The following SYCP2L variants were observed in gnomAD, a reference collection of about 807,000 sequenced individuals.
The protein encoded by SYCP2L is synaptonemal complex protein 2 like, also known as synaptonemal complex protein 2-like.
In SYCP2L, 98 loss-of-function variants were observed where a neutral mutation model predicts 125.8. The ratio of observed to expected loss-of-function variants is 0.78; its 90% CI spans 0.66 to 0.92. SYCP2L has a LOEUF of 0.92. SYCP2L is among the 40% of genes least tolerant of loss of function. The probability of loss-of-function intolerance (pLI) is 0.00; values close to 1 mark genes in which losing one functional copy is unlikely to be tolerated. For synonymous variants in SYCP2L, 317 were observed against 325.4 expected (o/e 0.97, Z 0.28); for missense variants, 842 against 936.4 (o/e 0.90, Z 1.32).
intron 23 of SYCP2L, among the ~76,000 whole-genome samples, chr6:10,949,683 A>ACACTAGTT (rs1011728676): frequency 6.7e-6 from 1 of 149,182 alleles, no homozygotes; most frequent in African/African-American, 2.5e-5. Flanking sequence ...CAATAAAGCA[A>ACACTAGTT]CACTAGTTTT....
chr6:10,935,170 A>G lies in SYCP2L; in HGVS notation c.1796A>G (p.Asp599Gly), dbSNP rs964982495. The G allele has an allele frequency of 1.9e-6, 3 of 1,612,446 alleles. No homozygotes were observed. The highest frequency in any genetic ancestry group is 4.5e-5 in the East Asian group (2 of 44,730). ...QDSFAFLTAE[D>G]SAQKTELQDP... ...AGTTTTGCTTTTTTGACTGCTGAAG[A>G]TTCTGCCCAGAAAACAGGTACATGA... is the stretch of plus-strand genomic sequence containing the variant. Residue 599 changes from aspartate (D) to glycine (G), a missense_variant, in exon 21 of 30, where the codon GAT (aspartate) becomes GGT (glycine). Asp to Gly is a moderately conservative substitution (Grantham distance 94). Transcript: ENST00000283141.
chr6:10,942,853 A>G, intron 23 of SYCP2L, 107 bp downstream of exon 23: 1 of 1,009,352 alleles, frequency 9.9e-7, no homozygotes, highest in South Asian at 1.6e-5. Flanking sequence ...CACTTTGCAC[A>G]GTGACTATTG....
intron 14 of SYCP2L, among the ~76,000 whole-genome samples, chr6:10,920,214 T>TGTTTG (rs982398598): frequency 4.6e-5 from 7 of 152,254 alleles, no homozygotes; most frequent in Admixed American, 1.3e-4. Context: ...CTTTTTGTTT[T>TGTTTG]GTTTGGTTTG....
At position 10,893,927 on chromosome 6, in the gene SYCP2L, T is replaced by C. The variant is rs544033016; in HGVS notation, c.139T>C (p.Phe47Leu). Residue 47 changes from phenylalanine (F) to leucine (L), a missense_variant, in exon 3 of 30, where the codon TTT becomes CTT. By Grantham distance (22) the Phe-to-Leu change is conservative. Transcript: ENST00000283141. Reference protein sequence around the residue: ...DKGFQKIKEYFQQKESHFPQK... With the variant: ...DKGFQKIKEYLQQKESHFPQK... ...AGGATTTCAGAAAATAAAAGAATACTTTCAACAGAAAGAGAGCCACTTTCC... is the reference window on the plus strand; with the variant it reads ...AGGATTTCAGAAAATAAAAGAATACCTTCAACAGAAAGAGAGCCACTTTCC... 1.2e-6 allele frequency: 2 copies of C among 1,612,862 alleles called. No homozygotes were observed. The highest frequency in any genetic ancestry group is 4.5e-5 in the East Asian group (2 of 44,796).
chr6:10,920,214 TGTTTGGTTTG>T (rs982398598), intron 14 of SYCP2L, among the ~76,000 whole-genome samples: 1 of 152,138 alleles, frequency 6.6e-6, no homozygotes, highest in African/African-American at 2.4e-5. Flanking sequence ...CTTTTTGTTT[TGTTTGGTTTG>T]GTTTGGTTTG....
At chr6:10,927,846 T>C (rs924373453) in intron 17 of SYCP2L, among the ~76,000 whole-genome samples, 1 of 152,154 alleles carries the variant, frequency 6.6e-6, no homozygotes, top group African/African-American at 2.4e-5. Context: ...TAGAAGATGG[T>C]CACACCCAAG....
chr6:10,950,773 A>G (rs748336396), intron 23 of SYCP2L, among the ~76,000 whole-genome samples: 1 of 151,878 alleles, frequency 6.6e-6, no homozygotes, highest in Non-Finnish European at 1.5e-5. Flanking sequence ...CAATCCTCCC[A>G]CCTCAGCCTC....
chr6:10,966,247 T>A (rs1781674702), intron 29 of SYCP2L, among the ~76,000 whole-genome samples: 1 of 152,178 alleles, frequency 6.6e-6, no homozygotes, highest in African/African-American at 2.4e-5. Context: ...GCAAAGATGG[T>A]TCGATATTAG....
rs554191692 is a variant in SYCP2L at position 10,937,389 on chromosome 6, T to A, written c.1813+2202T>A. On this transcript the variant is annotated intron_variant, in intron 21 of 29. Coordinates refer to ENST00000283141, the MANE Select transcript of SYCP2L (RefSeq NM_001040274.3). ...AAAGGGAAATTAAAAAATCTTGAGA[T>A]AAATGAAAATGGAAACATACCAAAA... Among the ~76,000 whole-genome samples, 3 of 152,124 alleles carry A rather than the reference T, an allele frequency of 2.0e-5. No individual in the cohort carries two copies. The South Asian group carries it at 6.2e-4, about 32-fold the overall frequency.
chr6:10,930,597 A>G (rs928576299), intron 19 of SYCP2L, 83 bp downstream of exon 19: 3 of 1,454,280 alleles, frequency 2.1e-6, no homozygotes, highest in South Asian at 2.6e-5. Context: ...ATATAATGGG[A>G]GTGGGTCCAA....
At position 10,954,975 on chromosome 6, in the gene SYCP2L, A is replaced by G. The variant is rs977184183; in HGVS notation, c.1955-141A>G. On this transcript the variant is annotated intron_variant, in intron 23 of 29. Coordinates refer to ENST00000283141, the MANE Select transcript of SYCP2L (RefSeq NM_001040274.3). The surrounding 1 kb of genome is among the most constrained non-coding windows in gnomAD (Gnocchi z 4.8). ...GTGCTTCGATACTTGGTTTGTGCCT[A>G]GTCGATGCACCGAATGATAACTCAT... The G allele has an allele frequency of 3.2e-6, 2 of 633,830 alleles. No homozygotes were observed. The highest frequency in any genetic ancestry group is 5.7e-6 in the Non-Finnish European group (2 of 350,482). The allele number at this position is 633,830 out of a possible 1,614,324, so 39.3% of individuals were successfully genotyped here.
chr6:10,928,376 T>C lies in SYCP2L; in HGVS notation c.1441-27T>C, dbSNP rs1455967079. The C allele has an allele frequency of 4.3e-6, 5 of 1,158,450 alleles. No individual in the cohort carries two copies. The South Asian group carries it at 6.7e-5, about 15-fold the overall frequency. The allele number at this position is 1,158,450 out of a possible 1,614,324, so 71.8% of individuals were successfully genotyped here. A position where few individuals can be genotyped will look rare whatever the true frequency, so the allele number is the denominator to read the frequency against. ...GGAACTAATAAATGTCTATGAAATC[T>C]TCACAATCCACGTTCTTCTGCCATA... is the stretch of plus-strand genomic sequence containing the variant. On this transcript the variant is annotated intron_variant, in intron 17 of 29. Coordinates refer to ENST00000283141, the MANE Select transcript of SYCP2L (RefSeq NM_001040274.3).
chr6:10,897,517 T>G (rs985389465), intron 4 of SYCP2L, among the ~76,000 whole-genome samples: 1 of 151,866 alleles, frequency 6.6e-6, no homozygotes, highest in African/African-American at 2.4e-5. Context: ...GGTCAAGTGA[T>G]CCTCATACCT....
At chr6:10,971,753 T>C (rs1418017724) in intron 29 of SYCP2L, among the ~76,000 whole-genome samples, 3 of 152,016 alleles carry the variant, frequency 2.0e-5, no homozygotes, top group Non-Finnish European at 4.4e-5. Context: ...GGCACGATCT[T>C]AGCTCATTGC....
At position 10,954,368 on chromosome 6, in the gene SYCP2L, C is replaced by T. The variant is rs763324529; in HGVS notation, c.1955-748C>T. The stretch of plus-strand genomic sequence containing the variant: ...GTGACAATTGAAGGTGAAGGATTGA[C>T]GATTTCCTCTAGGGAGATGGCTTTG... On this transcript the variant is annotated intron_variant, in intron 23 of 29. Transcript: ENST00000283141. This position sits in a 1 kb window ranked among gnomAD's most constrained non-coding sequence, Gnocchi z 4.8. 1.1e-4 allele frequency among the ~76,000 whole-genome samples: 17 copies of T among 152,036 alleles called. No individual in the cohort carries two copies. Among genetic ancestry groups the T allele is most frequent in the Non-Finnish European group, 4.4e-5 (3 of 68,026 alleles).
intron 1 of SYCP2L, 74 bp from the exon 2 acceptor site, chr6:10,891,439 G>GTTTAAAA: frequency 2.7e-6 from 1 of 376,102 alleles, no homozygotes; most frequent in African/African-American, 4.1e-5. Context: ...TTTTTTTTTT[G>GTTTAAAA]CTTTGTGTTT....
intron 6 of SYCP2L, among the ~76,000 whole-genome samples, chr6:10,901,845 T>G (rs908541662): frequency 4.6e-5 from 7 of 152,220 alleles, no homozygotes; most frequent in Admixed American, 1.3e-4. Flanking sequence ...AGTTTGGAAA[T>G]AGCGTGGCTC....
At chr6:10,904,545 C>T (rs2113305186) in intron 8 of SYCP2L, among the ~76,000 whole-genome samples, 1 of 152,260 alleles carries the variant, frequency 6.6e-6, no homozygotes, top group East Asian at 1.9e-4. Flanking sequence ...AATCACTACT[C>T]TTAGTGGTGT....
At chr6:10,953,539 C>T (rs912999457) in intron 23 of SYCP2L, among the ~76,000 whole-genome samples, 1 of 152,156 alleles carries the variant, frequency 6.6e-6, no homozygotes, top group Non-Finnish European at 1.5e-5. Context: ...AATAAGAGAA[C>T]TGAAATAAAC....
Sources: gnomAD v4.1 joint callset for allele counts (sites outside exome capture counted in the v4.1 genomes callset) on GRCh38, gnomAD v4.1.1 for gene constraint, Gnocchi (gnomAD v3.1) non-coding constraint, MANE v1.5 for transcripts, NCBI Gene and HGNC (gene_info 2026-07-23, HGNC 2026-07-21) for gene names.